The following AATK variants were observed in gnomAD, a reference collection of about 807,000 sequenced individuals.
AATK encodes the protein lemur tail kinase 1, also known as serine/threonine-protein kinase LMTK1.
A neutral mutation model predicts 114.3 loss-of-function variants in AATK; 91 were observed. The observed-to-expected ratio is 0.80, with a 90% CI of 0.67 to 0.95. AATK has a LOEUF of 0.95. AATK is among the 40% of genes least tolerant of loss of function. The pLI is 0.00. For synonymous variants in AATK, 1,075 were observed against 916.5 expected, an observed-to-expected ratio of 1.17 and a Z score of -3.12; for missense variants, 2,176 against 1,965.2, an observed-to-expected ratio of 1.11 and a Z score of -2.03.
intron 1 of AATK, among the ~76,000 whole-genome samples, chr17:81,137,944 A>C (rs995181615): frequency 1.3e-5 from 2 of 149,920 alleles, no homozygotes; most frequent in Non-Finnish European, 3.0e-5. Context: ...GCACACATCC[A>C]CACGCACGCA....
intron 12 of AATK, 59 bp from the exon 13 acceptor site, chr17:81,119,639 G>GCTCCCA: frequency 7.7e-7 from 1 of 1,305,082 alleles, no homozygotes; most frequent in Non-Finnish European, 1.0e-6. Flanking sequence ...GCCCGGCCCC[G>GCTCCCA]CTCCCACAGT....
At chr17:81,132,048 G>A (rs951039177) in intron 2 of AATK, 1 of 1,301,034 alleles carries the variant, frequency 7.7e-7, no homozygotes, top group African/African-American at 1.5e-5. Flanking sequence ...AAATGTAGAG[G>A]CTGCACCTGT....
chr17:81,133,989 A>G (rs1481939947), intron 2 of AATK, among the ~76,000 whole-genome samples: 1 of 152,140 alleles, frequency 6.6e-6, no homozygotes, highest in Non-Finnish European at 1.5e-5. Flanking sequence ...CCCCTTGCAG[A>G]GGCAGCTCCT....
intron 1 of AATK, among the ~76,000 whole-genome samples, chr17:81,146,299 T>C (rs1042583443): frequency 5.4e-5 from 8 of 149,234 alleles, no homozygotes; most frequent in African/African-American, 2.0e-4. Flanking sequence ...AGGCGGAGGT[T>C]GCAGTGAGCC....
At chr17:81,147,453 T>A (rs903120856) in intron 1 of AATK, among the ~76,000 whole-genome samples, 1 of 151,382 alleles carries the variant, frequency 6.6e-6, no homozygotes, top group Admixed American at 6.6e-5. Flanking sequence ...AAATAAGCCA[T>A]AAAAAGTGAA....
intron 6 of AATK, 112 bp downstream of exon 6, chr17:81,127,471 G>C (rs2060858847): frequency 4.5e-6 from 5 of 1,107,034 alleles, no homozygotes; most frequent in Non-Finnish European, 6.7e-6. Context: ...CTGGGTCTTG[G>C]CTTTAGGGAG....
chr17:81,138,525 C>A (rs1015416464), intron 1 of AATK, among the ~76,000 whole-genome samples: 2 of 150,448 alleles, frequency 1.3e-5, no homozygotes, highest in Non-Finnish European at 3.0e-5. Context: ...CACCCACACA[C>A]GTGCACATAC....
chr17:81,128,640 C>T, intron 3 of AATK, 91 bp from the exon 4 acceptor site: 1 of 1,532,214 alleles, frequency 6.5e-7, no homozygotes, highest in Non-Finnish European at 8.8e-7. Context: ...CCCGCTTGGC[C>T]TTTTCTGGGA....
chr17:81,163,685 G>C (rs917948636), intron 1 of AATK, among the ~76,000 whole-genome samples: 8 of 152,232 alleles, frequency 5.3e-5, no homozygotes, highest in African/African-American at 1.9e-4. Context: ...GCATCTGCCT[G>C]GTGCGGAAGG....
intron 1 of AATK, among the ~76,000 whole-genome samples, chr17:81,160,515 C>T (rs998335570): frequency 5.9e-5 from 9 of 152,360 alleles, no homozygotes; most frequent in African/African-American, 2.2e-4. Context: ...GCCGGTCCCG[C>T]GGGCGCTTGT....
chr17:81,160,091 G>A (rs543662514), intron 1 of AATK: 10 of 230,276 alleles, frequency 4.3e-5, no homozygotes, highest in Admixed American at 2.0e-4. Flanking sequence ...GCCCAGAATC[G>A]CCCACTGCAG....
chr17:81,147,891 G>A (rs548266380), intron 1 of AATK, among the ~76,000 whole-genome samples: 1 of 152,286 alleles, frequency 6.6e-6, no homozygotes, highest in South Asian at 2.1e-4. Context: ...CTGGTGTATA[G>A]ACAGATGTGC....
rs749286232 is a variant in AATK at position 81,122,655 on chromosome 17, CCCGGGCCCCACGCCGCCCCCG to C, written c.1260_1280del (p.Gly421_Gly427del). The C allele has an allele frequency of 1.3e-6, 2 of 1,492,246 alleles. No homozygotes were observed. The highest frequency in any genetic ancestry group is 9.0e-7 in the Non-Finnish European group (1 of 1,117,012). The allele number at this position is 1,492,246 out of a possible 1,614,324, so 92.4% of individuals were successfully genotyped here. ...CCAGCATGGGCCCCGCCGCACCGGGCCCGGGCCCCACGCCGCCCCCGCCGGGCCGCAGAGAGCGCCAGCGCC... is the reference window on the plus strand; with the variant it reads ...CCAGCATGGGCCCCGCCGCACCGGGCCCGGGCCGCAGAGAGCGCCAGCGCC... On this transcript the variant is annotated inframe_deletion, in exon 11 of 14. Transcript: ENST00000326724.
intron 1 of AATK, among the ~76,000 whole-genome samples, chr17:81,161,816 G>A (rs966314570): frequency 2.6e-5 from 4 of 152,110 alleles, no homozygotes; most frequent in African/African-American, 4.8e-5. Context: ...AGGGCATGGC[G>A]GGGAGTCGAT....
At chr17:81,163,774 T>C (rs996540883) in intron 1 of AATK, among the ~76,000 whole-genome samples, 22 of 152,224 alleles carry the variant, frequency 1.4e-4, no homozygotes, top group African/African-American at 5.3e-4. Context: ...CTCTGCCCCC[T>C]GTACCACCAC....
intron 1 of AATK, chr17:81,160,299 G>C (rs2061415001): frequency 6.1e-6 from 6 of 983,008 alleles, no homozygotes; most frequent in African/African-American, 1.7e-5. Context: ...TGACCCCCGG[G>C]AGGACCCCAG....
At position 81,122,586 on chromosome 17, in the gene AATK, C is replaced by T. The variant is rs1487023595; in HGVS notation, c.1350G>A (p.Leu450=). The change falls in exon 11 of 14, where the codon CTG becomes CTA. Residue 450 remains leucine, a synonymous_variant. Transcript: ENST00000326724. ...ELAAASSFPL[L]EQFAGDGFHA... ...GGAAGCCGTCGCCCGCGAACTGCTC[C>T]AGCAGCGGGAAGGACGAGGCAGCGG... 13 of 1,445,716 alleles carry T rather than the reference C, an allele frequency of 9.0e-6. No individual in the cohort carries two copies. Among genetic ancestry groups the T allele is most frequent in the Non-Finnish European group, 1.2e-5 (13 of 1,090,806 alleles). The allele number at this position is 1,445,716 out of a possible 1,614,324, so 89.6% of individuals were successfully genotyped here.
At chr17:81,127,193 G>A (rs893356928) in intron 6 of AATK, among the ~76,000 whole-genome samples, 16 of 152,026 alleles carry the variant, frequency 1.1e-4, no homozygotes, top group Non-Finnish European at 1.9e-4. Flanking sequence ...AGGCAGCCTG[G>A]GGAAGTGGCC....
intron 1 of AATK, among the ~76,000 whole-genome samples, chr17:81,147,724 G>A (rs1036719718): frequency 8.5e-5 from 13 of 152,126 alleles, no homozygotes; most frequent in Admixed American, 3.9e-4. Flanking sequence ...CACTGCACTC[G>A]AGCCTGGGTG....
Sources: allele counts gnomAD v4.1 joint callset (sites outside exome capture counted in the v4.1 genomes callset), GRCh38; gene constraint gnomAD v4.1.1; transcripts MANE v1.5; gene names NCBI Gene and HGNC (gene_info 2026-07-23, HGNC 2026-07-21).